Variants in SLC35F3 observed in about 807,000 individuals in gnomAD.
SLC35F3 encodes the protein putative thiamine transporter SLC35F3.
A neutral mutation model predicts 49.9 loss-of-function variants in SLC35F3; 25 were observed. That is an observed-to-expected ratio of 0.50 (90% confidence interval 0.37 to 0.70). The LOEUF (loss-of-function observed/expected upper bound fraction) is 0.70, where lower values mean the gene tolerates loss of function less well. SLC35F3 is among the 30% of genes least tolerant of loss of function. The pLI is 0.00. For missense variants in SLC35F3, 525 were observed against 639.8 expected, an observed-to-expected ratio of 0.82 and a Z score of 1.94; for synonymous variants, 275 against 265.4, an observed-to-expected ratio of 1.04 and a Z score of -0.35.
intron 2 of SLC35F3, among the ~76,000 whole-genome samples, chr1:233,933,808 G>A (rs1041189879): frequency 2.0e-5 from 3 of 152,170 alleles, no homozygotes; most frequent in Admixed American, 6.5e-5. Context: ...GGTGGAGATG[G>A]TGCCATTGCA....
intron 3 of SLC35F3, among the ~76,000 whole-genome samples, chr1:234,273,433 G>C (rs1189787514): frequency 6.6e-6 from 1 of 152,186 alleles, no homozygotes; most frequent in Non-Finnish European, 1.5e-5. Flanking sequence ...CCAGCAGTCT[G>C]TCCTGCCCCC....
intron 2 of SLC35F3, among the ~76,000 whole-genome samples, chr1:234,217,462 T>G (rs1385129430): frequency 1.3e-5 from 2 of 152,220 alleles, no homozygotes; most frequent in African/African-American, 4.8e-5. Flanking sequence ...TACAAAGTAG[T>G]AAGTTCTGGT....
At chr1:234,150,401 C>T (rs962649336) in intron 2 of SLC35F3, among the ~76,000 whole-genome samples, 63 of 152,026 alleles carry the variant, frequency 4.1e-4, no homozygotes, top group African/African-American at 1.5e-3. Flanking sequence ...TATTTCCAGC[C>T]GATGCTACAC....
chr1:234,058,327 A>ATTTTTTT (rs1300886196), intron 2 of SLC35F3, among the ~76,000 whole-genome samples: 1 of 81,348 alleles, frequency 1.2e-5, no homozygotes, highest in African/African-American at 8.8e-5. Context: ...AATGTTCCTG[A>ATTTTTTT]ATTTTTTTTT....
At chr1:234,109,405 T>TG (rs1399620092) in intron 2 of SLC35F3, among the ~76,000 whole-genome samples, 1 of 152,124 alleles carries the variant, frequency 6.6e-6, no homozygotes, top group African/African-American at 2.4e-5. Context: ...TGAAAGAAGG[T>TG]GGAAGCAGAT....
At chr1:234,106,186 T>C (rs1467956754) in intron 2 of SLC35F3, among the ~76,000 whole-genome samples, 1 of 152,262 alleles carries the variant, frequency 6.6e-6, no homozygotes, top group Non-Finnish European at 1.5e-5. Flanking sequence ...ATGCCAATGC[T>C]GGCAATCCCA....
chr1:233,908,525 T>C (rs72751786), intron 2 of SLC35F3, among the ~76,000 whole-genome samples: 4,043 of 151,458 alleles, frequency 0.027, 119 homozygotes, highest in East Asian at 0.15. Context: ...AAGAGAATTT[T>C]GTAAAGGATT....
At chr1:233,922,665 G>A (rs1210652145) in intron 2 of SLC35F3, among the ~76,000 whole-genome samples, 2 of 152,020 alleles carry the variant, frequency 1.3e-5, no homozygotes, top group Non-Finnish European at 2.9e-5. Flanking sequence ...GATCCCATTT[G>A]TCAATTTTGG....
chr1:234,309,072 A>G, intron 3 of SLC35F3, 29 bp from the exon 4 acceptor site: 1 of 1,602,012 alleles, frequency 6.2e-7, no homozygotes, highest in Non-Finnish European at 8.5e-7. Flanking sequence ...CAGGAAAATA[A>G]TAACGATGCC....
At chr1:234,236,914 T>TA (rs10618028) in intron 3 of SLC35F3, among the ~76,000 whole-genome samples, 17 of 107,918 alleles carry the variant, frequency 1.6e-4, no homozygotes, top group Non-Finnish European at 2.5e-4. Flanking sequence ...AGTCTCCTAT[T>TA]AAAAAAAAAA....
intron 2 of SLC35F3, among the ~76,000 whole-genome samples, chr1:234,112,418 G>T (rs79210449): frequency 0.029 from 4,459 of 152,094 alleles, 93 homozygotes; most frequent in Non-Finnish European, 0.044. Context: ...AGAACACCTT[G>T]CTGTCCTTTT....
chr1:233,906,911 G>T (rs545169428), intron 2 of SLC35F3, among the ~76,000 whole-genome samples: 2 of 152,326 alleles, frequency 1.3e-5, no homozygotes, highest in South Asian at 4.1e-4. Context: ...GCTTTTAAAA[G>T]ACTGTGTTTC....
At chr1:234,051,357 C>T (rs1311885615) in intron 2 of SLC35F3, among the ~76,000 whole-genome samples, 1 of 152,148 alleles carries the variant, frequency 6.6e-6, no homozygotes, top group Non-Finnish European at 1.5e-5. Context: ...TCCTTCACAT[C>T]CCTTCTAAGT....
intron 2 of SLC35F3, among the ~76,000 whole-genome samples, chr1:234,141,051 G>C (rs539117066): frequency 6.6e-6 from 1 of 152,156 alleles, no homozygotes; most frequent in African/African-American, 2.4e-5. Flanking sequence ...ATTATGGAGC[G>C]ACCATGTAGT....
intron 2 of SLC35F3, among the ~76,000 whole-genome samples, chr1:234,126,494 T>TGTGTGTGTGTGTGTGTGTGTGTGTG (rs1553307646): frequency 6.6e-6 from 1 of 152,134 alleles, no homozygotes; most frequent in Non-Finnish European, 1.5e-5. Flanking sequence ...TGTGTGTGTA[T>TGTGTGTGTGTGTGTGTGTGTGTGTG]TTAGTTCTAC....
rs1558231284 is a variant in SLC35F3, at chr1:234,108,234, TTATATATATAAAAGATATATATATTTA to T, written c.284-123174_284-123148del. ...TTATATATATAAAAGATATATATATTTATATATATAAAAGATATATATATTTATATATATAAAAGATATATATTATTT... is the reference window on the plus strand; with the variant it reads ...TTATATATATAAAAGATATATATATTTATATATAAAAGATATATATTATTT... On this transcript the variant is annotated intron_variant, in intron 2 of 7. Coordinates refer to ENST00000366618, the MANE Select transcript of SLC35F3 (RefSeq NM_173508.4). 1.8e-3 allele frequency among the ~76,000 whole-genome samples: 211 copies of T among 114,792 alleles called. 6 individuals are homozygous for T. The highest frequency in any genetic ancestry group is 7.1e-3 in the African/African-American group (197 of 27,844). The allele number at this position is 114,792 out of a possible 152,430, so 75.3% of individuals were successfully genotyped here.
chr1:233,956,312 A>C (rs906994463), intron 2 of SLC35F3, among the ~76,000 whole-genome samples: 1 of 151,544 alleles, frequency 6.6e-6, no homozygotes, highest in African/African-American at 2.4e-5. Context: ...ATCTTCCTGC[A>C]CCCTCTTCAT....
At chr1:233,992,408 CT>C (rs1316182681) in intron 2 of SLC35F3, among the ~76,000 whole-genome samples, 1 of 152,098 alleles carries the variant, frequency 6.6e-6, no homozygotes, top group Non-Finnish European at 1.5e-5. Context: ...GCCTTTCTTG[CT>C]GCATCACATC....
At chr1:234,143,283 CTTTTCTTTTT>C (rs1232106512) in intron 2 of SLC35F3, among the ~76,000 whole-genome samples, 4 of 117,104 alleles carry the variant, frequency 3.4e-5, no homozygotes, top group Non-Finnish European at 6.4e-5. Context: ...CTTTTCTTTT[CTTTTCTTTTT>C]TTTTTTTTTT....
Sources: allele counts gnomAD v4.1 joint callset (sites outside exome capture counted in the v4.1 genomes callset), GRCh38; gene constraint gnomAD v4.1.1; transcripts MANE v1.5; gene names NCBI Gene and HGNC (gene_info 2026-07-23, HGNC 2026-07-21).